ENOX2: variants seen among roughly 807,000 people sequenced by gnomAD.
The protein encoded by ENOX2 is ecto-NOX disulfide-thiol exchanger 2, also known as APK1 antigen.
A neutral mutation model predicts 45.0 loss-of-function variants in ENOX2; 36 were observed. The ratio of observed to expected loss-of-function variants is 0.80; its 90% CI spans 0.61 to 1.06. ENOX2 has a LOEUF of 1.06. Ranked by LOEUF, ENOX2 falls within the 50% of genes least tolerant of loss-of-function variation. ENOX2 has a pLI of 0.00. For missense variants in ENOX2, 423 were observed against 462.5 expected, an observed-to-expected ratio of 0.91 and a Z score of 0.78; for synonymous variants, 174 against 152.3, an observed-to-expected ratio of 1.14 and a Z score of -1.05.
chrX:130,645,010 T>C (rs983310702), intron 10 of ENOX2, among the ~76,000 whole-genome samples: 3 of 111,430 alleles, frequency 2.7e-5, no homozygotes, highest in African/African-American at 9.8e-5. Context: ...ACTGTGCTTT[T>C]ATAGGGACAG....
chrX:130,869,419 A>C (rs928915149), intron 2 of ENOX2, among the ~76,000 whole-genome samples: 1 of 111,357 alleles, frequency 9.0e-6, no homozygotes, highest in Admixed American at 9.6e-5. Context: ...CTCCCAACTT[A>C]TTACATCAAC....
intron 2 of ENOX2, among the ~76,000 whole-genome samples, chrX:130,825,371 G>A (rs2077700294): frequency 9.0e-6 from 1 of 111,359 alleles, no homozygotes; most frequent in Admixed American, 9.6e-5. Context: ...CAACTTCGGG[G>A]GGGTACTTCC....
intron 12 of ENOX2, among the ~76,000 whole-genome samples, chrX:130,632,701 G>C (rs973645147): frequency 1.8e-5 from 2 of 111,802 alleles, no homozygotes; most frequent in Non-Finnish European, 3.8e-5. Flanking sequence ...AAGCTTCCAG[G>C]ATGCTGTCTC....
At chrX:130,737,445 C>T (rs745790960) in intron 3 of ENOX2, among the ~76,000 whole-genome samples, 13 of 110,455 alleles carry the variant, frequency 1.2e-4, no homozygotes, top group Admixed American at 7.6e-4. Context: ...TTATTGCATG[C>T]GCGTGCGCAC....
In ENOX2 at chrX:130,840,834, T is replaced by C. The variant is rs1246474692; in HGVS notation, c.-182-57144A>G. Reference sequence around the variant, plus strand: ...GTGAGCTGTAATCACACCACTGCACTCTAGCCTGGGTGACAGTGCAAGACC... The same window carrying C: ...GTGAGCTGTAATCACACCACTGCACCCTAGCCTGGGTGACAGTGCAAGACC... On this transcript the variant is annotated intron_variant, in intron 2 of 14. Coordinates refer to ENST00000394363, the MANE Select transcript of ENOX2 (RefSeq NM_006375.4). 2.7e-5 allele frequency among the ~76,000 whole-genome samples: 3 copies of C among 111,660 alleles called. No individual in the cohort carries two copies. The East Asian group carries it at 8.4e-4, about 31-fold the overall frequency.
chrX:130,685,668 T>C (rs1224779991), intron 5 of ENOX2, among the ~76,000 whole-genome samples: 1 of 111,953 alleles, frequency 8.9e-6, no homozygotes, highest in Non-Finnish European at 1.9e-5. Flanking sequence ...GAAAATGCCT[T>C]AGAGTGATTC....
At chrX:130,737,091 A>G (rs954805704) in intron 3 of ENOX2, among the ~76,000 whole-genome samples, 1 of 112,481 alleles carries the variant, frequency 8.9e-6, no homozygotes, top group African/African-American at 3.2e-5. Context: ...CAGTTTTCTG[A>G]AGAAGCGAAT....
chrX:130,636,518 T>C (rs1008841905), intron 11 of ENOX2, among the ~76,000 whole-genome samples: 1 of 112,583 alleles, frequency 8.9e-6, no homozygotes, highest in Non-Finnish European at 1.9e-5. Flanking sequence ...ACTCCTTTAC[T>C]ATAGTGAAAG....
intron 4 of ENOX2, among the ~76,000 whole-genome samples, chrX:130,702,667 G>A (rs1279407056): frequency 1.8e-5 from 2 of 111,354 alleles, no homozygotes; most frequent in African/African-American, 6.5e-5. Context: ...ATGTGTGTGT[G>A]TATTTACACA....
intron 2 of ENOX2, among the ~76,000 whole-genome samples, chrX:130,817,670 C>T (rs778795181): frequency 3.0e-4 from 33 of 111,575 alleles, no homozygotes; most frequent in Non-Finnish European, 5.1e-4. Context: ...ACAAAAACCA[C>T]GATTATCTCA....
intron 2 of ENOX2, among the ~76,000 whole-genome samples, chrX:130,804,346 TG>T (rs112184176): frequency 0.092 from 10,243 of 111,476 alleles, 798 homozygotes; most frequent in African/African-American, 0.26. Flanking sequence ...TTATAGGAAA[TG>T]GGGGGCAAGA....
At chrX:130,755,977 T>A (rs1246244998) in intron 3 of ENOX2, among the ~76,000 whole-genome samples, 2 of 111,604 alleles carry the variant, frequency 1.8e-5, no homozygotes, top group Admixed American at 9.5e-5. Flanking sequence ...CACATTTTTT[T>A]ATCAGGCTCC....
intron 10 of ENOX2, among the ~76,000 whole-genome samples, chrX:130,640,543 A>G (rs941058190): frequency 8.9e-6 from 1 of 112,893 alleles, no homozygotes; most frequent in Admixed American, 9.3e-5. Flanking sequence ...AAAATGTGGT[A>G]CATATACACC....
At chrX:130,681,663 G>C (rs2037304344) in intron 5 of ENOX2, among the ~76,000 whole-genome samples, 1 of 111,851 alleles carries the variant, frequency 8.9e-6, no homozygotes, top group Non-Finnish European at 1.9e-5. Flanking sequence ...CTTTAAAACA[G>C]GGATGCTGTT....
At chrX:130,839,926 G>A (rs1484648546) in intron 2 of ENOX2, among the ~76,000 whole-genome samples, 12 of 111,431 alleles carry the variant, frequency 1.1e-4, no homozygotes, top group African/African-American at 3.6e-4. Flanking sequence ...TGCCTCTAGT[G>A]CATGTAAAAC....
intron 3 of ENOX2, among the ~76,000 whole-genome samples, chrX:130,774,142 G>A (rs2039801156): frequency 8.9e-6 from 1 of 111,897 alleles, no homozygotes; most frequent in Non-Finnish European, 1.9e-5. Flanking sequence ...CCTAATAGAG[G>A]ACTCTGGACA....
At chrX:130,698,771 G>A (rs1198683735) in intron 4 of ENOX2, among the ~76,000 whole-genome samples, 2 of 111,442 alleles carry the variant, frequency 1.8e-5, no homozygotes, top group Non-Finnish European at 3.8e-5. Flanking sequence ...GATCCAGTGA[G>A]AACTGCCTCC....
chrX:130,626,223 G>A (rs959343713), intron 14 of ENOX2, among the ~76,000 whole-genome samples: 2 of 112,005 alleles, frequency 1.8e-5, no homozygotes, highest in African/African-American at 6.5e-5. Context: ...TTGCTAAGGC[G>A]GAGCTAGGCC....
rs753792308 is a variant in ENOX2, at chrX:130,641,718, C to CAA, written c.1130-4310_1130-4309dup. 5.3e-3 allele frequency among the ~76,000 whole-genome samples: 179 copies of CAA among 33,998 alleles called. 1 individual carries two copies. The highest frequency in any genetic ancestry group is 0.014 in the Middle Eastern group (1 of 69). 29.5% of individuals were successfully genotyped at this position (33,998 alleles called of 115,157 possible). On this transcript the variant is annotated intron_variant, in intron 10 of 14. Transcript: ENST00000394363. ...GGCAACAAGAGTGAAACTCCATCTC[C>CAA]AAAAAAAAAAAAAAAAAAAAAAAGA... is the stretch of plus-strand genomic sequence containing the variant.
Sources: allele counts gnomAD v4.1 joint callset (sites outside exome capture counted in the v4.1 genomes callset), GRCh38; gene constraint gnomAD v4.1.1; transcripts MANE v1.5; gene names NCBI Gene and HGNC (gene_info 2026-07-23, HGNC 2026-07-21).